DRC11: variants seen among roughly 807,000 people sequenced by gnomAD.
DRC11 encodes the protein dynein regulatory complex subunit 11, also known as IQ and AAA domain-containing protein 1.
the DRC11 span, among the ~76,000 whole-genome samples, chr2:236,416,372 T>A: frequency 6.6e-6 from 1 of 152,018 alleles, no homozygotes; most frequent in Non-Finnish European, 1.5e-5. Context: ...TGGGGTGGGA[T>A]TTAGCTGTGA....
At chr2:236,417,782 T>C in the DRC11 span, among the ~76,000 whole-genome samples, 8 of 151,662 alleles carry the variant, frequency 5.3e-5, no homozygotes, top group Admixed American at 1.3e-4. Context: ...CCTGTGCCCA[T>C]GTGTTCTCAT....
chr2:236,486,912 T>C, the DRC11 span: 4 of 1,590,420 alleles, frequency 2.5e-6, no homozygotes, highest in South Asian at 3.4e-5. The surrounding 1 kb of genome is among the most constrained non-coding windows in gnomAD (Gnocchi z 5.7). Flanking sequence ...TAAAAACAAA[T>C]AAATGGTTAC....
At chr2:236,403,868 G>A in the DRC11 span, among the ~76,000 whole-genome samples, 1 of 151,810 alleles carries the variant, frequency 6.6e-6, no homozygotes, top group East Asian at 1.9e-4. Flanking sequence ...GCTGTGCCTC[G>A]GGGCCCCGAC....
the DRC11 span, chr2:236,407,906 T>C: frequency 2.2e-6 from 1 of 450,704 alleles, no homozygotes; most frequent in Non-Finnish European, 4.3e-6. Context: ...ATATTTTCCA[T>C]GAATACTTTC....
the DRC11 span, chr2:236,488,047 C>G: frequency 6.2e-7 from 1 of 1,604,970 alleles, no homozygotes; most frequent in Non-Finnish European, 8.5e-7. Flanking sequence ...ACTTTCTTGC[C>G]AAGCATCTTG....
chr2:236,418,587 C>T, the DRC11 span, among the ~76,000 whole-genome samples: 2 of 151,132 alleles, frequency 1.3e-5, no homozygotes, highest in East Asian at 2.0e-4. Context: ...TGAAGACCCC[C>T]CCAGTTATTG....
the DRC11 span, among the ~76,000 whole-genome samples, chr2:236,421,031 G>C: frequency 1.3e-5 from 2 of 152,096 alleles, no homozygotes; most frequent in Admixed American, 1.3e-4. Context: ...TTGTGTCTTT[G>C]TTCTTGTTGG....
the DRC11 span, among the ~76,000 whole-genome samples, chr2:236,421,310 T>C: frequency 6.6e-6 from 1 of 152,014 alleles, no homozygotes. Context: ...GATAGACTGC[T>C]AGCAAGACTA....
At chr2:236,391,878 C>T in the DRC11 span, 59 of 953,770 alleles carry the variant, frequency 6.2e-5, no homozygotes, top group African/African-American at 4.4e-4. The surrounding 1 kb of genome is among the most constrained non-coding windows in gnomAD (Gnocchi z 4.5). Flanking sequence ...GTCCTGGCAA[C>T]AGGCGGCCCT....
At chr2:236,486,122 A>G in the DRC11 span, among the ~76,000 whole-genome samples, 4 of 152,164 alleles carry the variant, frequency 2.6e-5, no homozygotes, top group African/African-American at 9.6e-5. The surrounding 1 kb of genome is among the most constrained non-coding windows in gnomAD (Gnocchi z 5.7). Flanking sequence ...AGAAGCACAC[A>G]TGGCATGGAG....
the DRC11 span, among the ~76,000 whole-genome samples, chr2:236,435,354 C>T: frequency 1.6e-4 from 24 of 152,354 alleles, no homozygotes; most frequent in Non-Finnish European, 2.5e-4. Context: ...TCTGGCCGGC[C>T]GCCTGCCCAT....
the DRC11 span, among the ~76,000 whole-genome samples, chr2:236,463,390 T>A: frequency 6.6e-6 from 1 of 152,234 alleles, no homozygotes; most frequent in Admixed American, 6.5e-5. This position sits in a 1 kb window ranked among gnomAD's most constrained non-coding sequence, Gnocchi z 5.0. Flanking sequence ...TTCCTCATTT[T>A]AAATACCCCT....
chr2:236,491,246 GTATATATATA>G, the DRC11 span, among the ~76,000 whole-genome samples: 12 of 23,750 alleles, frequency 5.1e-4, no homozygotes, highest in African/African-American at 1.4e-3. Context: ...TATATACACA[GTATATATATA>G]TATATATATA....
At chr2:236,364,879 G>GATA in the DRC11 span, among the ~76,000 whole-genome samples, 27,749 of 152,044 alleles carry the variant, frequency 0.18, 2,770 homozygotes, top group Non-Finnish European at 0.23. Context: ...AAATTTAAGT[G>GATA]ATGATTAGAC....
the DRC11 span, among the ~76,000 whole-genome samples, chr2:236,316,912 C>G: frequency 8.5e-3 from 1,288 of 152,320 alleles, 19 homozygotes; most frequent in African/African-American, 0.03. The surrounding 1 kb of genome is among the most constrained non-coding windows in gnomAD (Gnocchi z 6.8). Flanking sequence ...CAGGCATATA[C>G]AAACAGCAGT....
chr2:236,339,143 C>T, the DRC11 span, among the ~76,000 whole-genome samples: 2 of 152,144 alleles, frequency 1.3e-5, no homozygotes, highest in East Asian at 3.9e-4. Flanking sequence ...ATTTTTGCTC[C>T]CATTTGGCTG....
the DRC11 span, among the ~76,000 whole-genome samples, chr2:236,416,980 G>C: frequency 1.3e-4 from 20 of 151,442 alleles, no homozygotes; most frequent in African/African-American, 4.1e-4. Context: ...AGCTGGTCTT[G>C]AACTCCTGAC....
chr2:236,362,087 A>G, the DRC11 span, among the ~76,000 whole-genome samples: 6 of 152,102 alleles, frequency 3.9e-5, no homozygotes, highest in Non-Finnish European at 7.4e-5. The surrounding 1 kb of genome is among the most constrained non-coding windows in gnomAD (Gnocchi z 5.7). Context: ...GATGTATCTC[A>G]TAACAGTGCT....
the DRC11 span, among the ~76,000 whole-genome samples, chr2:236,390,891 T>G: frequency 6.6e-6 from 1 of 152,244 alleles, no homozygotes; most frequent in South Asian, 2.1e-4. This position sits in a 1 kb window ranked among gnomAD's most constrained non-coding sequence, Gnocchi z 5.9. Context: ...TGAAGTCAGA[T>G]GTTCACTTCT....
Sources: gnomAD v4.1 joint callset for allele counts (sites outside exome capture counted in the v4.1 genomes callset) on GRCh38, gnomAD v4.1.1 for gene constraint, Gnocchi (gnomAD v3.1) non-coding constraint, MANE v1.5 for transcripts, NCBI Gene and HGNC (gene_info 2026-07-23, HGNC 2026-07-21) for gene names.